Variants in CHST12 observed in about 807,000 individuals in gnomAD.
The protein encoded by CHST12 is carbohydrate (chondroitin 4) sulfotransferase 12.
A neutral mutation model predicts 27.9 loss-of-function variants in CHST12; 23 were observed. The observed-to-expected ratio is 0.82, with a 90% CI of 0.59 to 1.17. CHST12 has a LOEUF of 1.17. Ranked by LOEUF, CHST12 falls within the 50% of genes most tolerant of loss-of-function variation. The pLI is 0.00. For missense variants in CHST12, 682 were observed against 603.0 expected (o/e 1.13, Z -1.37); for synonymous variants, 322 against 273.0 (o/e 1.18, Z -1.77).
chr7:2,428,980 T>C (rs914915231), intron 1 of CHST12, among the ~76,000 whole-genome samples: 1 of 152,310 alleles, frequency 6.6e-6, no homozygotes, highest in South Asian at 2.1e-4. Flanking sequence ...GCGCCCCCCA[T>C]GCGTCCGTTT....
At chr7:2,431,882 C>A (rs569355635) in intron 1 of CHST12, among the ~76,000 whole-genome samples, 2 of 151,904 alleles carry the variant, frequency 1.3e-5, no homozygotes, top group African/African-American at 4.8e-5. Context: ...TTCCCAAGAC[C>A]CCTCTTACTT....
intron 1 of CHST12, among the ~76,000 whole-genome samples, chr7:2,429,663 ATTGT>A (rs370645315): frequency 2.9e-4 from 44 of 152,290 alleles, no homozygotes; most frequent in African/African-American, 9.6e-4. Context: ...TGGGCGTAAA[ATTGT>A]TTGTAATAGT....
chr7:2,430,950 C>G (rs1782256168), intron 1 of CHST12, among the ~76,000 whole-genome samples: 1 of 152,186 alleles, frequency 6.6e-6, no homozygotes, highest in Non-Finnish European at 1.5e-5. Flanking sequence ...TTTGTGGACA[C>G]TTAGAAAAAA....
chr7:2,431,752 C>T (rs1478890478), intron 1 of CHST12, among the ~76,000 whole-genome samples: 1 of 152,210 alleles, frequency 6.6e-6, no homozygotes, highest in Non-Finnish European at 1.5e-5. Flanking sequence ...AAGGTCAGCT[C>T]TCAGGGTGGC....
chr7:2,418,702 A>G (rs1781877764), intron 1 of CHST12, among the ~76,000 whole-genome samples: 1 of 152,120 alleles, frequency 6.6e-6, no homozygotes, highest in South Asian at 2.1e-4. Context: ...TCCTGCCCAG[A>G]AGGTAGCAAA....
At chr7:2,411,347 G>A (rs1430402959) in intron 1 of CHST12, among the ~76,000 whole-genome samples, 1 of 152,134 alleles carries the variant, frequency 6.6e-6, no homozygotes, top group African/African-American at 2.4e-5. Context: ...CACCTAAAGT[G>A]TTGGGATTAC....
At chr7:2,416,377 T>G (rs1781809575) in intron 1 of CHST12, among the ~76,000 whole-genome samples, 1 of 152,222 alleles carries the variant, frequency 6.6e-6, no homozygotes, top group Non-Finnish European at 1.5e-5. Flanking sequence ...CTTCTATTAA[T>G]GTTGCTATTT....
chr7:2,411,237 C>T (rs1781656299), intron 1 of CHST12, among the ~76,000 whole-genome samples: 1 of 151,970 alleles, frequency 6.6e-6, no homozygotes, highest in South Asian at 2.1e-4. Context: ...TGTATACTAC[C>T]ATACCTGGCT....
chr7:2,407,090 A>G (rs1781545852), intron 1 of CHST12, among the ~76,000 whole-genome samples: 2 of 152,214 alleles, frequency 1.3e-5, no homozygotes, highest in Admixed American at 1.3e-4. Context: ...GGTGAAAGAT[A>G]AAGTTGAGGA....
rs1782644607 is a variant in CHST12, at chr7:2,442,761, G to A, written c.*8877G>A. 6.5e-6 allele frequency: 1 copy of A among 152,748 alleles called. No homozygotes were observed. The highest frequency in any genetic ancestry group is 1.5e-5 in the Non-Finnish European group (1 of 68,486). The allele number at this position is 152,748 out of a possible 1,614,324, so 9.5% of individuals were successfully genotyped here. ...CCTTAGGAACTGGACTGCACAGCAG[G>A]AGGTGAGCGGCAGGTGAGCGTGCAT... On this transcript the variant is annotated 3_prime_UTR_variant, in exon 2 of 2. Transcript: ENST00000618655.
At chr7:2,429,335 C>T (rs1397267019) in intron 1 of CHST12, among the ~76,000 whole-genome samples, 1 of 151,908 alleles carries the variant, frequency 6.6e-6, no homozygotes, top group Non-Finnish European at 1.5e-5. Context: ...CTCAGCCTAC[C>T]AAAGTGCTAG....
chr7:2,404,133 C>G (rs1781457845), intron 1 of CHST12: 1 of 152,536 alleles, frequency 6.6e-6, no homozygotes, highest in Non-Finnish European at 1.5e-5. Context: ...CGTGTGCCTG[C>G]TGTCACCTGA....
At chr7:2,422,414 T>G (rs1479009119) in intron 1 of CHST12, among the ~76,000 whole-genome samples, 4 of 151,320 alleles carry the variant, frequency 2.6e-5, no homozygotes, top group Non-Finnish European at 5.9e-5. Context: ...CCGGCTTATT[T>G]TGTATTTTTA....
intron 1 of CHST12, among the ~76,000 whole-genome samples, chr7:2,409,625 GAAAAAA>G (rs60865098): frequency 5.5e-5 from 8 of 146,004 alleles, no homozygotes; most frequent in East Asian, 2.0e-4. Flanking sequence ...CTGTCTCAAA[GAAAAAA>G]AAAAAAAAAG....
In CHST12 at chr7:2,441,331, A is replaced by G. The variant is rs1314353742; in HGVS notation, c.*7447A>G. The stretch of plus-strand genomic sequence containing the variant: ...CCTAGGTCTCCTGCCCCTGGGCTGG[A>G]GTTCATCTTTTAGGCAAATTTGGAA... On this transcript the variant is annotated 3_prime_UTR_variant, in exon 2 of 2. Transcript: ENST00000618655. 6 of 152,202 alleles carry G rather than the reference A, an allele frequency of 3.9e-5. No homozygotes were observed. In the East Asian group the frequency reaches 5.8e-4, roughly 15 times the overall value. The allele number at this position is 152,202 out of a possible 1,614,324, so 9.4% of individuals were successfully genotyped here.
upstream of CHST12, chr7:2,403,521 C>A (rs1016986411): frequency 1.3e-4 from 20 of 151,514 alleles, no homozygotes; most frequent in African/African-American, 4.6e-4. Flanking sequence ...GCCCCTCCGG[C>A]GGCCGCGACG....
At position 2,440,405 on chromosome 7, in the gene CHST12, ATG is replaced by A. The variant is rs57469668; in HGVS notation, c.*6537_*6538del. On this transcript the variant is annotated 3_prime_UTR_variant, in exon 2 of 2. Coordinates refer to ENST00000618655, the MANE Select transcript of CHST12 (RefSeq NM_018641.5). ...TGAGTCTGCACTTGTGTGCAAGAGA[ATG>A]TGTGTGTGTGTGTGTTTGGAGATTT... is the stretch of plus-strand genomic sequence containing the variant. The A allele has an allele frequency of 4.4e-3, 666 of 150,542 alleles. 8 individuals are homozygous for A. Among genetic ancestry groups the A allele is most frequent in the African/African-American group, 0.016 (614 of 39,064 alleles). 9.3% of individuals were successfully genotyped at this position (150,542 alleles called of 1,614,324 possible).
rs1782479598 is a variant in CHST12 at position 2,436,531 on chromosome 7, A to G, written c.*2647A>G. 6.6e-6 allele frequency: 1 copy of G among 152,216 alleles called. No individual in the cohort carries two copies. 9.4% of individuals were successfully genotyped at this position (152,216 alleles called of 1,614,324 possible). On this transcript the variant is annotated 3_prime_UTR_variant, in exon 2 of 2. Coordinates refer to ENST00000618655, the MANE Select transcript of CHST12 (RefSeq NM_018641.5). ...TCTGTTCATCAGTTGGTGGACACTGAGTTGCTTCTGCCTTCCTGCGAATGT... is the reference window on the plus strand; with the variant it reads ...TCTGTTCATCAGTTGGTGGACACTGGGTTGCTTCTGCCTTCCTGCGAATGT...
chr7:2,420,960 G>A (rs990516250), intron 1 of CHST12, among the ~76,000 whole-genome samples: 6 of 152,144 alleles, frequency 3.9e-5, no homozygotes, highest in Non-Finnish European at 7.3e-5. Flanking sequence ...TGCCTCCTGG[G>A]TTCAAGCAAT....
Sources: gnomAD v4.1 joint callset for allele counts (sites outside exome capture counted in the v4.1 genomes callset) on GRCh38, gnomAD v4.1.1 for gene constraint, MANE v1.5 for transcripts, NCBI Gene and HGNC (gene_info 2026-07-23, HGNC 2026-07-21) for gene names.